The following FAM117B variants were observed in gnomAD, a reference collection of about 807,000 sequenced individuals.
FAM117B encodes the protein family with sequence similarity 117 member B, also known as protein FAM117B.
In FAM117B, 22 loss-of-function variants were observed where a neutral mutation model predicts 52.8. The ratio of observed to expected loss-of-function variants is 0.42; its 90% CI spans 0.30 to 0.59. The LOEUF (loss-of-function observed/expected upper bound fraction) is 0.59, where lower values mean the gene tolerates loss of function less well. Ranked by LOEUF, FAM117B falls within the 20% of genes least tolerant of loss-of-function variation. The pLI, the probability that FAM117B is intolerant of heterozygous loss-of-function variation, is 0.22. For missense variants in FAM117B, 678 were observed against 802.6 expected (o/e 0.84, Z 1.88); for synonymous variants, 309 against 324.1 (o/e 0.95, Z 0.50).
intron 4 of FAM117B, among the ~76,000 whole-genome samples, chr2:202,744,825 A>G (rs535277920): frequency 6.6e-6 from 1 of 150,526 alleles, no homozygotes; most frequent in South Asian, 2.1e-4. Context: ...AATACAAAAA[A>G]AATTAGCTGG....
intron 5 of FAM117B, among the ~76,000 whole-genome samples, chr2:202,756,897 CA>C (rs1394544125): frequency 6.6e-6 from 1 of 152,146 alleles, no homozygotes; most frequent in Non-Finnish European, 1.5e-5. Context: ...ACCTAGATTT[CA>C]TGGCCCTCAT....
chr2:202,727,871 A>G (rs1056123380), intron 4 of FAM117B, among the ~76,000 whole-genome samples: 1 of 152,226 alleles, frequency 6.6e-6, no homozygotes, highest in African/African-American at 2.4e-5. Context: ...TTAAATGTAT[A>G]GATTGTTTGC....
At chr2:202,640,295 A>AATATATAT (rs539187347) in intron 1 of FAM117B, among the ~76,000 whole-genome samples, 840 of 51,194 alleles carry the variant, frequency 0.016, 47 homozygotes, top group Non-Finnish European at 0.021. Context: ...ACCACCACAA[A>AATATATAT]ATATATATAT....
chr2:202,659,673 G>A (rs1002757896), intron 1 of FAM117B, among the ~76,000 whole-genome samples: 1 of 130,886 alleles, frequency 7.6e-6, no homozygotes, highest in Non-Finnish European at 1.6e-5. Context: ...GGAGTGCAAT[G>A]GTGCGATCTT....
In FAM117B at chr2:202,769,068, GA is replaced by G. The variant is rs1692030767; in HGVS notation, c.*3305del. The G allele has an allele frequency of 1.3e-5, 2 of 152,096 alleles. No homozygotes were observed. Among genetic ancestry groups the G allele is most frequent in the South Asian group, 4.1e-4 (2 of 4,830 alleles). 9.4% of individuals were successfully genotyped at this position (152,096 alleles called of 1,614,324 possible). A position where few individuals can be genotyped will look rare whatever the true frequency, so the allele number is the denominator to read the frequency against. ...GGATGTCAAGATTATTTTTCAACTAGATTATTCAATTTGTTTTATATTTCTT... is the reference window on the plus strand; with the variant it reads ...GGATGTCAAGATTATTTTTCAACTAGTTATTCAATTTGTTTTATATTTCTT... On this transcript the variant is annotated 3_prime_UTR_variant, in exon 8 of 8. Coordinates refer to ENST00000392238, the MANE Select transcript of FAM117B (RefSeq NM_173511.4).
At chr2:202,725,202 C>T (rs1691222275) in intron 3 of FAM117B, 193 bp downstream of exon 3, 1 of 400,628 alleles carries the variant, frequency 2.5e-6, no homozygotes, top group Non-Finnish European at 4.6e-6. Flanking sequence ...ATATCACTTA[C>T]CTGATTATGT....
At chr2:202,697,963 G>A (rs184157534) in intron 2 of FAM117B, among the ~76,000 whole-genome samples, 19 of 152,250 alleles carry the variant, frequency 1.2e-4, no homozygotes, top group Admixed American at 8.5e-4. Context: ...TCCACCTCCC[G>A]GGTTCTAGCA....
intron 4 of FAM117B, among the ~76,000 whole-genome samples, chr2:202,754,741 T>A (rs1392424804): frequency 6.6e-6 from 1 of 151,248 alleles, no homozygotes; most frequent in African/African-American, 2.4e-5. Flanking sequence ...ACCAAAAAAA[T>A]TAGCCAGGTG....
intron 2 of FAM117B, among the ~76,000 whole-genome samples, chr2:202,705,644 A>C (rs1391615269): frequency 6.6e-6 from 1 of 152,080 alleles, no homozygotes; most frequent in African/African-American, 2.4e-5. Flanking sequence ...AATGTCACCA[A>C]CCTCTGCCCC....
rs138287941 is a variant in FAM117B at position 202,701,733 on chromosome 2, T to C, written c.753+5701T>C. 7.4e-4 allele frequency among the ~76,000 whole-genome samples: 113 copies of C among 152,292 alleles called. 1 individual carries two copies. The East Asian group carries it at 0.02, about 28-fold the overall frequency. On this transcript the variant is annotated intron_variant, in intron 2 of 7. Transcript: ENST00000392238. ...GAGGTCATTGCAGATGTGGTGGAAATAGCAAGATAACTAGAATTAGAAGTA... is the reference window on the plus strand; with the variant it reads ...GAGGTCATTGCAGATGTGGTGGAAACAGCAAGATAACTAGAATTAGAAGTA...
At chr2:202,681,139 A>C (rs1237433664) in intron 1 of FAM117B, among the ~76,000 whole-genome samples, 2 of 152,216 alleles carry the variant, frequency 1.3e-5, no homozygotes, top group African/African-American at 2.4e-5. Flanking sequence ...TAAGTTAAAG[A>C]TGCATATTAT....
At chr2:202,743,660 T>A (rs1691583807) in intron 4 of FAM117B, among the ~76,000 whole-genome samples, 1 of 152,148 alleles carries the variant, frequency 6.6e-6, no homozygotes, top group Admixed American at 6.5e-5. Flanking sequence ...ATAATTTATT[T>A]GAATGAGTAA....
At chr2:202,701,092 C>T (rs1358213521) in intron 2 of FAM117B, among the ~76,000 whole-genome samples, 1 of 152,184 alleles carries the variant, frequency 6.6e-6, no homozygotes, top group Non-Finnish European at 1.5e-5. Flanking sequence ...CTTTAAGGAA[C>T]AGGCCAACTC....
intron 1 of FAM117B, among the ~76,000 whole-genome samples, chr2:202,678,713 C>T (rs577598669): frequency 3.9e-5 from 6 of 152,300 alleles, no homozygotes; most frequent in South Asian, 2.1e-4. Flanking sequence ...TGCGCCACCA[C>T]GCCCAGCTAA....
In FAM117B at chr2:202,767,157, C is replaced by CTT. The variant is rs558691850; in HGVS notation, c.*1412_*1413dup. The CTT allele has an allele frequency of 0.23, 25,551 of 109,962 alleles. 3,382 individuals carry two copies. The highest frequency in any genetic ancestry group is 0.51 in the East Asian group (1,844 of 3,616). The allele number at this position is 109,962 out of a possible 1,614,324, so 6.8% of individuals were successfully genotyped here. A position where few individuals can be genotyped will look rare whatever the true frequency, so the allele number is the denominator to read the frequency against. On this transcript the variant is annotated 3_prime_UTR_variant, in exon 8 of 8. Coordinates refer to ENST00000392238, the MANE Select transcript of FAM117B (RefSeq NM_173511.4). ...ATGTGGTAGTGAGATTAAGGAGCAG[C>CTT]TTTTTTTTTTTTTTTTTTTTGAGAC...
intron 1 of FAM117B, among the ~76,000 whole-genome samples, chr2:202,659,718 G>T (rs948676800): frequency 3.5e-5 from 5 of 142,900 alleles, no homozygotes; most frequent in Non-Finnish European, 7.5e-5. Context: ...GGGTTCAAAC[G>T]ATTCTCCTGC....
intron 6 of FAM117B, among the ~76,000 whole-genome samples, chr2:202,758,414 T>G (rs1406654828): frequency 6.6e-6 from 1 of 152,198 alleles, no homozygotes; most frequent in Non-Finnish European, 1.5e-5. Context: ...CAATAACATG[T>G]AGAAAGTCTA....
intron 7 of FAM117B, among the ~76,000 whole-genome samples, chr2:202,763,168 T>G (rs113416398): frequency 6.7e-6 from 1 of 149,864 alleles, no homozygotes; most frequent in Non-Finnish European, 1.5e-5. Flanking sequence ...ACCTCCCGGG[T>G]TCGCGCCATT....
rs1491121882 is a variant in FAM117B, at chr2:202,766,106, A to ACACACACACACCCC, written c.*343_*344insACACACACACCCCC. On this transcript the variant is annotated 3_prime_UTR_variant, in exon 8 of 8. Transcript: ENST00000392238. ...CACACACACACACACACACACACAC[A>ACACACACACACCCC]CCCCTGATCCTTGCCAACATGATTC... 6.0e-6 allele frequency: 1 copy of ACACACACACACCCC among 167,512 alleles called. No individual in the cohort carries two copies. The highest frequency in any genetic ancestry group is 2.8e-5 in the African/African-American group (1 of 36,028). 10.4% of individuals were successfully genotyped at this position (167,512 alleles called of 1,614,324 possible). A position where few individuals can be genotyped will look rare whatever the true frequency, so the allele number is the denominator to read the frequency against.
Sources: allele counts gnomAD v4.1 joint callset (sites outside exome capture counted in the v4.1 genomes callset), GRCh38; gene constraint gnomAD v4.1.1; transcripts MANE v1.5; gene names NCBI Gene and HGNC (gene_info 2026-07-23, HGNC 2026-07-21).